Variants in CACNA1C observed in about 807,000 individuals in gnomAD.
The protein encoded by CACNA1C is voltage-dependent L-type calcium channel subunit alpha-1C.
A neutral mutation model predicts 229.0 loss-of-function variants in CACNA1C; 30 were observed. That is an observed-to-expected ratio of 0.13 (90% CI 0.10 to 0.18). CACNA1C has a LOEUF of 0.18. CACNA1C is among the 10% of genes least tolerant of loss of function. CACNA1C has a pLI of 1.00. For missense variants in CACNA1C, 1,658 were observed against 2,845.0 expected (o/e 0.58, Z 9.49); for synonymous variants, 1,114 against 1,132.5 (o/e 0.98, Z 0.33).
chr12:2,196,768 G>A (rs2097417474), intron 3 of CACNA1C, among the ~76,000 whole-genome samples: 1 of 152,128 alleles, frequency 6.6e-6, no homozygotes, highest in African/African-American at 2.4e-5. Flanking sequence ...GAGGTCACTG[G>A]GTGTCTGCAG....
At chr12:2,547,106 G>A (rs1379147701) in intron 9 of CACNA1C, among the ~76,000 whole-genome samples, 1 of 152,170 alleles carries the variant, frequency 6.6e-6, no homozygotes, top group Non-Finnish European at 1.5e-5. Context: ...GCTCCCTATG[G>A]AAACAACAGG....
chr12:2,690,943 A>G lies in CACNA1C; in HGVS notation c.6161A>G (p.Lys2054Arg), dbSNP rs200588235. Residue 2054 changes from lysine to arginine, a missense_variant, in exon 47 of 47, where the codon AAG (lysine) becomes AGG (arginine). This residue lies in a region of CACNA1C where 590 missense variants were observed against 700.8 expected (regional missense o/e 0.84). Transcript: ENST00000399655. ...CTGGGGCAGTTTGCTCAAGATCCCA[A>G]GTTCATCGAGGTCACCACCCAGGAG... is the stretch of plus-strand genomic sequence containing the variant. Reference protein sequence around the residue: ...EGLGQFAQDPKFIEVTTQELA... With the variant: ...EGLGQFAQDPRFIEVTTQELA... 7.3e-5 allele frequency: 117 copies of G among 1,595,578 alleles called. No homozygotes were observed. In the African/African-American group the frequency reaches 9.4e-4, roughly 13 times the overall value.
rs2095024860 is a variant in CACNA1C, at chr12:2,651,881, T to C, written c.4074+113T>C. ...CTCTGGGGCCCTGCTCCTTCCTCTG[T>C]GTGGCAGAACTCGGCCGCTCTGCCT... On this transcript the variant is annotated intron_variant, in intron 32 of 46. Coordinates refer to ENST00000399655, the MANE Select transcript of CACNA1C (RefSeq NM_000719.7). This position sits in a 1 kb window ranked among gnomAD's most constrained non-coding sequence, Gnocchi z 5.4. 1.2e-6 allele frequency: 1 copy of C among 836,578 alleles called. No individual in the cohort carries two copies. The highest frequency in any genetic ancestry group is 1.9e-5 in the South Asian group (1 of 52,754). 51.8% of individuals were successfully genotyped at this position (836,578 alleles called of 1,614,324 possible).
intron 21 of CACNA1C, among the ~76,000 whole-genome samples, chr12:2,598,439 G>T (rs1001570411): frequency 3.9e-5 from 6 of 152,200 alleles, no homozygotes; most frequent in African/African-American, 1.4e-4. Flanking sequence ...GAGAGTCAGG[G>T]TGTGAGTTCC....
chr12:2,504,938 CT>C lies in CACNA1C; in HGVS notation c.1212del (p.Ser405AlafsTer26). On this transcript the variant is annotated frameshift_variant, in exon 8 of 47. Transcript: ENST00000399655. LOFTEE classifies it high-confidence loss of function. The surrounding 1 kb of genome is among the most constrained non-coding windows in gnomAD (Gnocchi z 6.8). Reference protein sequence around the residue: ...FFVLNLVLGVLSGEFSKEREK... With the variant: ...FFVLNLVLGVXSGEFSKEREK... Reference sequence around the variant, plus strand: ...TGTACTTAACTTGGTTCTCGGTGTGCTTAGCGGGTAAGCAGGACCAAGGAAA... The same window carrying C: ...TGTACTTAACTTGGTTCTCGGTGTGCTAGCGGGTAAGCAGGACCAAGGAAA... 2 of 1,540,936 alleles carry C rather than the reference CT, an allele frequency of 1.3e-6. No homozygotes were observed. The highest frequency in any genetic ancestry group is 1.8e-6 in the Non-Finnish European group (2 of 1,113,746).
intron 3 of CACNA1C, chr12:2,288,351 C>G (rs1232921461): frequency 6.6e-6 from 1 of 152,270 alleles, no homozygotes; most frequent in African/African-American, 2.4e-5. Flanking sequence ...ATTCTGCCTT[C>G]CTGGACAGTT....
chr12:2,595,794 A>T lies in CACNA1C; in HGVS notation c.2664-80A>T. On this transcript the variant is annotated intron_variant, in intron 19 of 46. Transcript: ENST00000399655. This position sits in a 1 kb window ranked among gnomAD's most constrained non-coding sequence, Gnocchi z 4.1. ...TGCCAGCTGCTGGGGAGAGCTGAGG[A>T]GAGGGGCTCCCAAGAGCCGACTGGT... 2.1e-6 allele frequency: 3 copies of T among 1,404,678 alleles called. No homozygotes were observed. The highest frequency in any genetic ancestry group is 3.0e-6 in the Non-Finnish European group (3 of 1,014,340). The allele number at this position is 1,404,678 out of a possible 1,614,324, so 87.0% of individuals were successfully genotyped here.
At chr12:1,999,533 C>T (rs554781685) in intron 1 of CACNA1C, among the ~76,000 whole-genome samples, 74 of 152,170 alleles carry the variant, frequency 4.9e-4, no homozygotes, top group African/African-American at 1.7e-3. Flanking sequence ...CCAGCCTGGG[C>T]AACATAGTGA....
chr12:2,412,249 G>T (rs1015578840), intron 3 of CACNA1C, among the ~76,000 whole-genome samples: 23 of 152,286 alleles, frequency 1.5e-4, no homozygotes, highest in African/African-American at 5.3e-4. Context: ...TGGCAAGGCC[G>T]TCCTTCCACA....
At chr12:2,204,485 C>T (rs2097692061) in intron 3 of CACNA1C, among the ~76,000 whole-genome samples, 1 of 151,020 alleles carries the variant, frequency 6.6e-6, no homozygotes. Flanking sequence ...TATAAAGACA[C>T]ATGCACACGT....
At chr12:2,109,203 C>A (rs2080575063) in intron 1 of CACNA1C, among the ~76,000 whole-genome samples, 2 of 152,290 alleles carry the variant, frequency 1.3e-5, no homozygotes, top group Non-Finnish European at 2.9e-5. Flanking sequence ...AGCCCCAGAC[C>A]TTTTCCTACT....
At chr12:2,518,098 CT>C (rs1402781606) in intron 9 of CACNA1C, among the ~76,000 whole-genome samples, 1 of 152,174 alleles carries the variant, frequency 6.6e-6, no homozygotes, top group Admixed American at 6.5e-5. Flanking sequence ...TCGGGAGCCA[CT>C]TTTGCAGTCA....
chr12:2,468,954 T>G (rs1385967224), intron 5 of CACNA1C, among the ~76,000 whole-genome samples: 1 of 152,236 alleles, frequency 6.6e-6, no homozygotes, highest in East Asian at 1.9e-4. Context: ...TCATGCGTAA[T>G]TTTCAGTCAG....
In CACNA1C at chr12:2,053,717, C is replaced by G. The variant is rs1194106058; in HGVS notation, c.49+106C>G. The G allele has an allele frequency of 3.7e-6, 4 of 1,090,490 alleles. No individual in the cohort carries two copies. In the Admixed American group the frequency reaches 1.9e-4, roughly 52 times the overall value. 67.6% of individuals were successfully genotyped at this position (1,090,490 alleles called of 1,614,324 possible). On this transcript the variant is annotated intron_variant, in intron 1 of 46. Transcript: ENST00000399655. The surrounding 1 kb of genome is among the most constrained non-coding windows in gnomAD (Gnocchi z 5.8). ...CCGGGGCCGGTCCCTGCGGAGTGGC[C>G]CGGGGCCGCGTCCGCGAGGGGCGCC...
At chr12:2,255,217 C>T (rs1410375381) in intron 3 of CACNA1C, among the ~76,000 whole-genome samples, 1 of 148,720 alleles carries the variant, frequency 6.7e-6, no homozygotes, top group East Asian at 2.0e-4. Context: ...TACTGAGGTA[C>T]TGTGAGAGCC....
chr12:2,004,452 A>C lies in CACNA1C; in HGVS notation c.139+33251A>C, dbSNP rs202023042. On this transcript the variant is annotated intron_variant, in intron 1 of 46. Transcript: ENST00000682462. ...GCCATCTTCCCTCCCTCCCAGACAT[A>C]GGCACGGGGCTCTTGGAAGCCACTC... 5.6e-6 allele frequency: 9 copies of C among 1,596,280 alleles called. No individual in the cohort carries two copies. In the Admixed American group the frequency reaches 1.2e-4, roughly 21 times the overall value.
At chr12:2,413,881 C>T (rs1424620195) in intron 3 of CACNA1C, among the ~76,000 whole-genome samples, 1 of 152,232 alleles carries the variant, frequency 6.6e-6, no homozygotes, top group Non-Finnish European at 1.5e-5. Context: ...TCCCCAGGCA[C>T]TTCTTTGTTA....
chr12:2,605,834 C>T lies in CACNA1C; in HGVS notation c.3156+48C>T. 1.6e-6 allele frequency: 2 copies of T among 1,256,748 alleles called. No individual in the cohort carries two copies. The highest frequency in any genetic ancestry group is 1.7e-5 in the Admixed American group (1 of 59,264). 77.8% of individuals were successfully genotyped at this position (1,256,748 alleles called of 1,614,324 possible). On this transcript the variant is annotated intron_variant, in intron 24 of 46. Transcript: ENST00000399655. This position sits in a 1 kb window ranked among gnomAD's most constrained non-coding sequence, Gnocchi z 6.2. ...GTCCTCCTACCTCCCCTCCCATCAGCATTCCTGGGGAAGGGAACTGGCAGA... is the reference window on the plus strand; with the variant it reads ...GTCCTCCTACCTCCCCTCCCATCAGTATTCCTGGGGAAGGGAACTGGCAGA...
chr12:2,338,405 C>T (rs2096764576), intron 3 of CACNA1C, among the ~76,000 whole-genome samples: 1 of 152,154 alleles, frequency 6.6e-6, no homozygotes, highest in African/African-American at 2.4e-5. Flanking sequence ...GGCCAATGGA[C>T]ACATGCCGTC....
Sources: gnomAD v4.1 joint callset for allele counts (sites outside exome capture counted in the v4.1 genomes callset) on GRCh38, gnomAD v4.1.1 for gene constraint, gnomAD v4.1.1 regional missense constraint, Gnocchi (gnomAD v3.1) non-coding constraint, MANE v1.5 for transcripts, NCBI Gene and HGNC (gene_info 2026-07-23, HGNC 2026-07-21) for gene names.